Variants in PPHLN1 observed in about 807,000 individuals in gnomAD.
PPHLN1 encodes periphilin-1.
In PPHLN1, 29 loss-of-function variants were observed where a neutral mutation model predicts 51.3. That is an observed-to-expected ratio of 0.57 (90% CI 0.42 to 0.77). The LOEUF (loss-of-function observed/expected upper bound fraction) is 0.77. Among genes scored for constraint, PPHLN1 ranks in the 30% least tolerant of loss-of-function variants. The pLI is 0.00. For synonymous variants in PPHLN1, 147 were observed against 147.8 expected (o/e 0.99, Z 0.04); for missense variants, 436 against 438.4 (o/e 0.99, Z 0.05).
At chr12:42,358,213 TTTCTC>T (rs1173322621) in intron 4 of PPHLN1, among the ~76,000 whole-genome samples, 6 of 152,318 alleles carry the variant, frequency 3.9e-5, no homozygotes, top group African/African-American at 1.4e-4. Context: ...TAATTTTAAT[TTTCTC>T]TTCCTGTCTC....
intron 4 of PPHLN1, among the ~76,000 whole-genome samples, chr12:42,360,460 T>C (rs2074537460): frequency 1.3e-4 from 2 of 15,804 alleles, no homozygotes; most frequent in Non-Finnish European, 4.3e-4. Context: ...GCTGAATTCT[T>C]TTTTTTTTTT....
intron 9 of PPHLN1, among the ~76,000 whole-genome samples, chr12:42,411,004 G>A (rs1669896): frequency 0.49 from 74,985 of 151,688 alleles, 18,857 homozygotes; most frequent in Admixed American, 0.56. Flanking sequence ...GTTAAATTAC[G>A]CCTTCTCTAT....
Position 42,393,511 on chromosome 12 carries a change from G to A in PPHLN1, c.649-59G>A. Reference sequence around the variant, plus strand: ...AAATGTAAGTGGAGTGTACTTCTTGGTGTATTTGAAGTTTAAAAGCCCTTG... The same window carrying A: ...AAATGTAAGTGGAGTGTACTTCTTGATGTATTTGAAGTTTAAAAGCCCTTG... On this transcript the variant is annotated intron_variant, in intron 7 of 9. Transcript: ENST00000358314. The A allele has an allele frequency of 2.7e-6, 4 of 1,460,980 alleles. 1 individual carries two copies. Among genetic ancestry groups the A allele is most frequent in the Middle Eastern group, 3.6e-4 (2 of 5,530 alleles). The allele number at this position is 1,460,980 out of a possible 1,614,324, so 90.5% of individuals were successfully genotyped here.
At chr12:42,435,262 G>A (rs1472804036) in intron 9 of PPHLN1, among the ~76,000 whole-genome samples, 3 of 152,134 alleles carry the variant, frequency 2.0e-5, no homozygotes, top group Non-Finnish European at 4.4e-5. Context: ...TTTTTAGCAT[G>A]TCCTTAATTT....
chr12:42,360,529 T>C (rs1431763742), intron 4 of PPHLN1, among the ~76,000 whole-genome samples: 1 of 135,922 alleles, frequency 7.4e-6, no homozygotes, highest in Non-Finnish European at 1.5e-5. Context: ...GAGGTCTCAC[T>C]CTGTCACCCA....
intron 9 of PPHLN1, among the ~76,000 whole-genome samples, chr12:42,402,158 A>G (rs1158582933): frequency 6.6e-6 from 1 of 152,206 alleles, no homozygotes; most frequent in Non-Finnish European, 1.5e-5. Flanking sequence ...GTTCTTAAAC[A>G]TAAAGAAATA....
chr12:42,379,770 T>G (rs913758254), intron 5 of PPHLN1, among the ~76,000 whole-genome samples: 1 of 152,070 alleles, frequency 6.6e-6, no homozygotes, highest in Admixed American at 6.5e-5. Flanking sequence ...TTATTCTGTT[T>G]TATAGAATTC....
At chr12:42,403,892 A>G (rs1184420802) in intron 9 of PPHLN1, among the ~76,000 whole-genome samples, 1 of 152,162 alleles carries the variant, frequency 6.6e-6, no homozygotes, top group Non-Finnish European at 1.5e-5. Context: ...GTGGTTCCAA[A>G]TTACTGTCCC....
chr12:42,446,538 A>T, downstream of PPHLN1: 1 of 1,592,226 alleles, frequency 6.3e-7, no homozygotes, highest in Non-Finnish European at 8.6e-7. Flanking sequence ...CTTAGTTAGA[A>T]AAGAATATTA....
intron 7 of PPHLN1, among the ~76,000 whole-genome samples, chr12:42,392,904 C>G (rs143391521): frequency 6.6e-6 from 1 of 152,066 alleles, no homozygotes; most frequent in Non-Finnish European, 1.5e-5. Flanking sequence ...ATTATTAACC[C>G]CTATTTTGTA....
At chr12:42,329,292 A>T (rs930519036) in intron 1 of PPHLN1, among the ~76,000 whole-genome samples, 1 of 151,842 alleles carries the variant, frequency 6.6e-6, no homozygotes, top group Non-Finnish European at 1.5e-5. Context: ...TTTTTAGTAG[A>T]GATGGGGTTT....
At chr12:42,368,246 T>C (rs2075462187) in intron 4 of PPHLN1, among the ~76,000 whole-genome samples, 1 of 152,128 alleles carries the variant, frequency 6.6e-6, no homozygotes, top group Non-Finnish European at 1.5e-5. Flanking sequence ...GGGTGGGGGA[T>C]CTTTTTATTC....
chr12:42,429,395 C>G (rs1167775991), intron 9 of PPHLN1, among the ~76,000 whole-genome samples: 1 of 152,160 alleles, frequency 6.6e-6, no homozygotes, highest in Non-Finnish European at 1.5e-5. Context: ...ATGTCTAGCT[C>G]CATTTTGATT....
chr12:42,362,031 C>T (rs2138471385), intron 4 of PPHLN1, among the ~76,000 whole-genome samples: 1 of 152,314 alleles, frequency 6.6e-6, no homozygotes, highest in Non-Finnish European at 1.5e-5. Context: ...CACGTTCTTG[C>T]CAATGCTTGT....
chr12:42,350,638 A>G lies in PPHLN1; in HGVS notation c.73-1247A>G, dbSNP rs1489359316. On this transcript the variant is annotated intron_variant, in intron 2 of 9. Transcript: ENST00000358314. ...CGGCTGGGAGGTGGAGGTTGTAGCG[A>G]GCGGAGATCACGCCACTGCACTCCA... Among the ~76,000 whole-genome samples, 3 of 152,108 alleles carry G rather than the reference A, an allele frequency of 2.0e-5. No individual in the cohort carries two copies. In the East Asian group the frequency reaches 5.8e-4, roughly 29 times the overall value.
intron 9 of PPHLN1, among the ~76,000 whole-genome samples, chr12:42,428,684 A>G (rs746513057): frequency 4.6e-5 from 7 of 152,176 alleles, no homozygotes; most frequent in Non-Finnish European, 7.4e-5. Context: ...CTGCCTGCTC[A>G]GGTGATGAGT....
At chr12:42,428,749 A>T (rs555767149) in intron 9 of PPHLN1, among the ~76,000 whole-genome samples, 15 of 151,752 alleles carry the variant, frequency 9.9e-5, no homozygotes, top group Non-Finnish European at 2.2e-4. Context: ...ACCAAACATC[A>T]CCTGTTCCCC....
intron 9 of PPHLN1, among the ~76,000 whole-genome samples, chr12:42,425,025 TTTTTA>T (rs1306324081): frequency 6.0e-5 from 9 of 150,364 alleles, no homozygotes; most frequent in African/African-American, 1.5e-4. Flanking sequence ...CAGGTTTTTA[TTTTTA>T]TTTTATTTTA....
At chr12:42,418,257 G>GA (rs1394410462) in intron 9 of PPHLN1, among the ~76,000 whole-genome samples, 1 of 139,808 alleles carries the variant, frequency 7.2e-6, no homozygotes, top group Non-Finnish European at 1.5e-5. Context: ...AGGAAATGGG[G>GA]AACGTATTTA....
Sources: allele counts gnomAD v4.1 joint callset (sites outside exome capture counted in the v4.1 genomes callset), GRCh38; gene constraint gnomAD v4.1.1; transcripts MANE v1.5; gene names NCBI Gene and HGNC (gene_info 2026-07-23, HGNC 2026-07-21).